ARHGEF10: variants seen among roughly 807,000 people sequenced by gnomAD.
The protein encoded by ARHGEF10 is Rho guanine nucleotide exchange factor 10.
Under a neutral mutation model 147.4 loss-of-function variants are expected in ARHGEF10, and 140 were observed. The observed-to-expected ratio is 0.95, with a 90% CI of 0.83 to 1.09. ARHGEF10 has a LOEUF of 1.09. Among genes scored for constraint, ARHGEF10 ranks in the 50% least tolerant of loss-of-function variants. The probability of loss-of-function intolerance (pLI) is 0.00; values close to 1 mark genes in which losing one functional copy is unlikely to be tolerated. For synonymous variants in ARHGEF10, 902 were observed against 695.8 expected, an observed-to-expected ratio of 1.30 and a Z score of -4.67; for missense variants, 2,222 against 1,752.7, an observed-to-expected ratio of 1.27 and a Z score of -4.78.
intron 11 of ARHGEF10, among the ~76,000 whole-genome samples, chr8:1,889,243 G>T (rs75265490): frequency 1.3e-4 from 6 of 45,876 alleles, no homozygotes; most frequent in Admixed American, 2.5e-4. Flanking sequence ...AGGAGACATT[G>T]AGTGGGATGA....
chr8:1,917,451 A>T (rs1811842509), intron 18 of ARHGEF10, among the ~76,000 whole-genome samples: 1 of 152,148 alleles, frequency 6.6e-6, no homozygotes, highest in Non-Finnish European at 1.5e-5. Flanking sequence ...GTTCTCAGGG[A>T]CCGAGCACAC....
chr8:1,890,516 G>A (rs1809427362), intron 11 of ARHGEF10, among the ~76,000 whole-genome samples: 1 of 148,764 alleles, frequency 6.7e-6, no homozygotes, highest in Admixed American at 6.7e-5. Context: ...TCTGAGTGGG[G>A]CGAGACGGGT....
At chr8:1,944,151 G>A (rs1189526832) in intron 26 of ARHGEF10, among the ~76,000 whole-genome samples, 8 of 128,036 alleles carry the variant, frequency 6.2e-5, no homozygotes, top group African/African-American at 1.1e-4. Context: ...GCATCGTGTC[G>A]CCTCCCTCGG....
intron 1 of ARHGEF10, among the ~76,000 whole-genome samples, chr8:1,837,981 C>T (rs1429609822): frequency 3.9e-5 from 6 of 152,194 alleles, no homozygotes; most frequent in African/African-American, 1.2e-4. Flanking sequence ...TCCTCTGTCT[C>T]CCCTCAGGAC....
At chr8:1,893,959 A>C (rs1459793635) in intron 12 of ARHGEF10, among the ~76,000 whole-genome samples, 2 of 152,068 alleles carry the variant, frequency 1.3e-5, no homozygotes, top group African/African-American at 4.8e-5. Context: ...GGATTGCCTG[A>C]GCTCAGGAGT....
chr8:1,885,647 T>G lies in ARHGEF10; in HGVS notation c.1122T>G (p.Val374=). 1 of 1,614,064 alleles carries G rather than the reference T, an allele frequency of 6.2e-7. No homozygotes were observed. Among genetic ancestry groups the G allele is most frequent in the South Asian group, 1.1e-5 (1 of 91,088 alleles). ...AAGAACAGAATTTGTTCATTGATGT[T>G]GACTGCAAGCACCCGGAAGCCATCT... ...LEEEQNLFID[V]DCKHPEAILT... The change falls in exon 11 of 29, where the codon GTT becomes GTG. Residue 374 remains valine, a synonymous_variant. Coordinates refer to ENST00000349830, the MANE Select transcript of ARHGEF10 (RefSeq NM_014629.4).
At chr8:1,842,706 G>C in intron 1 of ARHGEF10, among the ~76,000 whole-genome samples, 1 of 152,268 alleles carries the variant, frequency 6.6e-6, no homozygotes, top group East Asian at 1.9e-4. Flanking sequence ...GTGTTTTGTG[G>C]TCTTAACACG....
chr8:1,842,172 A>AG (rs943532102), intron 1 of ARHGEF10, among the ~76,000 whole-genome samples: 83 of 150,906 alleles, frequency 5.5e-4, no homozygotes, highest in Admixed American at 2.9e-3. Flanking sequence ...TGGGGGATGG[A>AG]GGGAGAGCAG....
At chr8:1,897,099 T>C (rs1810039738) in intron 14 of ARHGEF10, among the ~76,000 whole-genome samples, 2 of 152,210 alleles carry the variant, frequency 1.3e-5, no homozygotes, top group South Asian at 4.1e-4. Flanking sequence ...GAACTGAGTC[T>C]CCTTTGTGGA....
chr8:1,923,663 C>G (rs888137544), intron 20 of ARHGEF10, 68 bp downstream of exon 20: 1 of 1,613,926 alleles, frequency 6.2e-7, no homozygotes, highest in Non-Finnish European at 8.5e-7. Flanking sequence ...TTTGTCATGA[C>G]ATGTATGTTT....
chr8:1,924,869 T>G (rs546821532), intron 21 of ARHGEF10, among the ~76,000 whole-genome samples: 1 of 152,370 alleles, frequency 6.6e-6, no homozygotes, highest in South Asian at 2.1e-4. Context: ...GTTGTACTTT[T>G]GTTTATCCCA....
chr8:1,938,978 C>T (rs575412112), intron 26 of ARHGEF10, among the ~76,000 whole-genome samples: 1 of 149,018 alleles, frequency 6.7e-6, no homozygotes, highest in South Asian at 2.1e-4. Flanking sequence ...GAATCCCAGC[C>T]CCCAGAGACC....
intron 11 of ARHGEF10, among the ~76,000 whole-genome samples, chr8:1,889,423 G>GGT (rs1238206190): frequency 3.0e-5 from 2 of 65,760 alleles, no homozygotes; most frequent in African/African-American, 1.7e-4. Flanking sequence ...CACTGAGTGG[G>GGT]GTGAGGGGTC....
intron 18 of ARHGEF10, among the ~76,000 whole-genome samples, chr8:1,911,539 G>A (rs1206991000): frequency 7.2e-5 from 11 of 152,184 alleles, no homozygotes; most frequent in Non-Finnish European, 5.9e-5. Flanking sequence ...TTTTTCCGGC[G>A]TCAGGTAAGA....
chr8:1,930,676 G>A (rs1408078420), intron 25 of ARHGEF10, among the ~76,000 whole-genome samples: 1 of 152,198 alleles, frequency 6.6e-6, no homozygotes, highest in Non-Finnish European at 1.5e-5. Flanking sequence ...CCCTCCCAGA[G>A]CCTGGGGTGT....
At chr8:1,857,935 A>T (rs754530974) in intron 2 of ARHGEF10, 25 bp from the exon 3 acceptor site, 1 of 1,543,298 alleles carries the variant, frequency 6.5e-7, no homozygotes, top group East Asian at 2.3e-5. Context: ...TCTCTCCTTG[A>T]TGTGGTTTTG....
intron 27 of ARHGEF10, chr8:1,945,921 C>CCGCGTGCT: frequency 2.8e-5 from 1 of 36,314 alleles, no homozygotes; most frequent in Non-Finnish European, 5.8e-5. Flanking sequence ...AGCCGCGTGG[C>CCGCGTGCT]AGTGCCATCT....
intron 5 of ARHGEF10, among the ~76,000 whole-genome samples, chr8:1,865,724 C>CT (rs1806545013): frequency 8.9e-6 from 1 of 112,642 alleles, no homozygotes; most frequent in Non-Finnish European, 1.9e-5. Flanking sequence ...TCACGTGATT[C>CT]CGTTAGTGAC....
At chr8:1,911,880 C>A (rs1256080183) in intron 18 of ARHGEF10, among the ~76,000 whole-genome samples, 1 of 152,222 alleles carries the variant, frequency 6.6e-6, no homozygotes, top group African/African-American at 2.4e-5. Flanking sequence ...CATCAAATGG[C>A]TTCAAATTCA....
Sources: gnomAD v4.1 joint callset for allele counts (sites outside exome capture counted in the v4.1 genomes callset) on GRCh38, gnomAD v4.1.1 for gene constraint, MANE v1.5 for transcripts, NCBI Gene and HGNC (gene_info 2026-07-23, HGNC 2026-07-21) for gene names.